The following MED13L variants were observed in gnomAD, a reference collection of about 807,000 sequenced individuals.
MED13L encodes mediator of RNA polymerase II transcription subunit 13-like.
Under a neutral mutation model 220.9 loss-of-function variants are expected in MED13L, and 7 were observed. The observed-to-expected ratio is 0.03, with a 90% CI of 0.02 to 0.06. MED13L has a LOEUF of 0.06. MED13L is among the 10% of genes least tolerant of loss of function. The pLI is 1.00. For synonymous variants in MED13L, 1,011 were observed against 1,015.2 expected, an observed-to-expected ratio of 1.00 and a Z score of 0.08; for missense variants, 1,965 against 2,760.5, an observed-to-expected ratio of 0.71 and a Z score of 6.46.
intron 2 of MED13L, among the ~76,000 whole-genome samples, chr12:116,120,043 G>A (rs1874905426): frequency 6.6e-6 from 1 of 151,652 alleles, no homozygotes; most frequent in African/African-American, 2.4e-5. Context: ...AGCTGCTGTG[G>A]CTAGAACTTC....
chr12:116,035,296 C>T (rs994021959), intron 4 of MED13L, among the ~76,000 whole-genome samples: 3 of 152,108 alleles, frequency 2.0e-5, no homozygotes, highest in South Asian at 2.1e-4. Context: ...TGGTAGGACA[C>T]GTCAGCCAAA....
rs954295546 is a variant in MED13L, at chr12:115,958,902, C to T, written c.*2364G>A. The T allele has an allele frequency of 2.0e-5, 3 of 152,536 alleles. No individual in the cohort carries two copies. The highest frequency in any genetic ancestry group is 7.2e-5 in the African/African-American group (3 of 41,440). The allele number at this position is 152,536 out of a possible 1,614,324, so 9.4% of individuals were successfully genotyped here. ...TAAAAAAGGTTCTGAAATATACATA[C>T]AAGCATGCTGGACAATCCCACCCTT... On this transcript the variant is annotated 3_prime_UTR_variant, in exon 31 of 31. Transcript: ENST00000281928.
At chr12:116,076,905 T>A (rs1870847170) in intron 4 of MED13L, among the ~76,000 whole-genome samples, 1 of 152,210 alleles carries the variant, frequency 6.6e-6, no homozygotes, top group Non-Finnish European at 1.5e-5. Context: ...CATAAAATAA[T>A]GTCTCTGCTA....
chr12:116,018,235 G>A (rs1879847407), intron 7 of MED13L, among the ~76,000 whole-genome samples: 1 of 152,132 alleles, frequency 6.6e-6, no homozygotes, highest in African/African-American at 2.4e-5. Context: ...CCTTGTAAAC[G>A]ATATAGCCAG....
intron 13 of MED13L, among the ~76,000 whole-genome samples, chr12:116,005,175 C>T (rs1878973835): frequency 6.6e-6 from 1 of 152,152 alleles, no homozygotes; most frequent in African/African-American, 2.4e-5. Context: ...AACTAATAAG[C>T]TGACCTTTTT....
rs1207278610 is a variant in MED13L at position 116,277,633 on chromosome 12, C to T, written c.-502G>A. Reference sequence around the variant, plus strand: ...CCTTCCTCTTCCTCCCCCACCCCCCCCTCCTCCCCAGTCAGCCTCGCTTCT... The same window carrying T: ...CCTTCCTCTTCCTCCCCCACCCCCCTCTCCTCCCCAGTCAGCCTCGCTTCT... On this transcript the variant is annotated 5_prime_UTR_variant, in exon 1 of 31. Transcript: ENST00000281928. 6.7e-6 allele frequency among the ~76,000 whole-genome samples: 1 copy of T among 149,788 alleles called. No homozygotes were observed. The highest frequency in any genetic ancestry group is 1.5e-5 in the Non-Finnish European group (1 of 67,078).
intron 2 of MED13L, among the ~76,000 whole-genome samples, chr12:116,194,933 T>TA (rs1398956539): frequency 6.6e-6 from 1 of 152,110 alleles, no homozygotes; most frequent in African/African-American, 2.4e-5. Context: ...GGGCAGAAGG[T>TA]ATAGGGCTGC....
chr12:116,050,487 G>A lies in MED13L; in HGVS notation c.480-27886C>T, dbSNP rs1053565803. 4.0e-5 allele frequency among the ~76,000 whole-genome samples: 6 copies of A among 151,810 alleles called. No individual in the cohort carries two copies. The South Asian group carries it at 6.3e-4, about 16-fold the overall frequency. On this transcript the variant is annotated intron_variant, in intron 4 of 30. Coordinates refer to ENST00000281928, the MANE Select transcript of MED13L (RefSeq NM_015335.5). Reference sequence around the variant, plus strand: ...TAACCAGTGGCAGGAAGCCAAGTTCGGCTAATAGAAAAGTTGTAAAATTAA... The same window carrying A: ...TAACCAGTGGCAGGAAGCCAAGTTCAGCTAATAGAAAAGTTGTAAAATTAA...
intron 2 of MED13L, among the ~76,000 whole-genome samples, chr12:116,158,482 T>A (rs956638261): frequency 5.3e-5 from 8 of 152,204 alleles, no homozygotes; most frequent in African/African-American, 1.9e-4. Context: ...AGTATATGTC[T>A]ACGTCTGTAG....
intron 4 of MED13L, among the ~76,000 whole-genome samples, chr12:116,080,763 G>A (rs1438725705): frequency 6.6e-6 from 1 of 152,124 alleles, no homozygotes; most frequent in Non-Finnish European, 1.5e-5. Context: ...GTGCTCACCA[G>A]GCATATACAT....
chr12:116,264,113 G>C (rs73398839), intron 1 of MED13L, among the ~76,000 whole-genome samples: 2,622 of 152,228 alleles, frequency 0.017, 77 homozygotes, highest in African/African-American at 0.061. Flanking sequence ...CAGCAGTTTA[G>C]AGCAAAAAGC....
intron 2 of MED13L, among the ~76,000 whole-genome samples, chr12:116,172,208 C>T (rs1310161616): frequency 6.6e-6 from 1 of 152,154 alleles, no homozygotes; most frequent in Non-Finnish European, 1.5e-5. Flanking sequence ...TACATAACTG[C>T]TTACTTCTAA....
rs560209362 is a variant in MED13L, at chr12:116,275,394, T to A, written c.72+1666A>T. On this transcript the variant is annotated intron_variant, in intron 1 of 30. Transcript: ENST00000281928. Reference sequence around the variant, plus strand: ...TGAATTTTAAGATTAAATATCTGGATTAAAATATTTCATTTAAAAAAATTT... The same window carrying A: ...TGAATTTTAAGATTAAATATCTGGAATAAAATATTTCATTTAAAAAAATTT... Among the ~76,000 whole-genome samples the A allele has an allele frequency of 2.6e-5, 4 of 152,290 alleles. No homozygotes were observed. The South Asian group carries it at 8.3e-4, about 32-fold the overall frequency.
chr12:116,276,715 GGA>G (rs1873876508), intron 1 of MED13L: 1 of 876,858 alleles, frequency 1.1e-6, no homozygotes, highest in African/African-American at 1.8e-5. Flanking sequence ...ATTTACGGGG[GGA>G]AAAAAAGGGG....
At chr12:115,964,596 T>G (rs1876011340) in intron 29 of MED13L, among the ~76,000 whole-genome samples, 5 of 152,248 alleles carry the variant, frequency 3.3e-5, no homozygotes, top group Non-Finnish European at 7.3e-5. Flanking sequence ...ATTTTTTGTT[T>G]GTTTTCCAAC....
intron 4 of MED13L, among the ~76,000 whole-genome samples, chr12:116,023,005 T>C (rs1880151435): frequency 6.6e-6 from 1 of 152,164 alleles, no homozygotes; most frequent in Admixed American, 6.6e-5. Context: ...TTTTTTAAAG[T>C]GGCCCACTGA....
At chr12:115,994,355 T>A (rs560892136) in intron 16 of MED13L, among the ~76,000 whole-genome samples, 1 of 152,086 alleles carries the variant, frequency 6.6e-6, no homozygotes, top group Non-Finnish European at 1.5e-5. Flanking sequence ...GAGGCTGATG[T>A]GGGAGGATCA....
chr12:116,022,231 A>AT (rs1286320359), intron 5 of MED13L, among the ~76,000 whole-genome samples: 1 of 152,238 alleles, frequency 6.6e-6, no homozygotes, highest in Non-Finnish European at 1.5e-5. Context: ...AAGAATACAC[A>AT]TAAGACCATC....
intron 2 of MED13L, among the ~76,000 whole-genome samples, chr12:116,112,964 GA>G (rs1326269809): frequency 1.3e-5 from 2 of 152,178 alleles, no homozygotes; most frequent in African/African-American, 4.8e-5. Flanking sequence ...GAGAAGAGGG[GA>G]AGGTGACAAA....
Sources: allele counts gnomAD v4.1 joint callset (sites outside exome capture counted in the v4.1 genomes callset), GRCh38; gene constraint gnomAD v4.1.1; transcripts MANE v1.5; gene names NCBI Gene and HGNC (gene_info 2026-07-23, HGNC 2026-07-21).